Variants in EPB41L3 observed in about 807,000 individuals in gnomAD.
EPB41L3 encodes the protein erythrocyte membrane protein band 4.1 like 3.
EPB41L3 carries 57 observed loss-of-function variants against 127.1 expected under a neutral mutation model. The observed-to-expected ratio is 0.45, with a 90% CI of 0.36 to 0.56. EPB41L3 has a LOEUF of 0.56. EPB41L3 is among the 20% of genes least tolerant of loss of function. The pLI is 0.00. For synonymous variants in EPB41L3, 572 were observed against 549.5 expected, an observed-to-expected ratio of 1.04 and a Z score of -0.57; for missense variants, 1,273 against 1,372.2, an observed-to-expected ratio of 0.93 and a Z score of 1.14.
intron 3 of EPB41L3, among the ~76,000 whole-genome samples, chr18:5,461,692 C>T (rs899110540): frequency 1.3e-5 from 2 of 152,146 alleles, no homozygotes; most frequent in African/African-American, 4.8e-5. Context: ...AGAGAAGCAA[C>T]AGGAAGATCC....
chr18:5,411,263 C>A (rs1598592244), intron 13 of EPB41L3, among the ~76,000 whole-genome samples: 1 of 152,046 alleles, frequency 6.6e-6, no homozygotes, highest in East Asian at 1.9e-4. Flanking sequence ...TTTTTTAAGA[C>A]TAAATGTTAT....
At chr18:5,407,807 T>C in intron 14 of EPB41L3, 71 bp from the exon 15 acceptor site, 1 of 1,469,510 alleles carries the variant, frequency 6.8e-7, no homozygotes, top group Admixed American at 1.7e-5. Context: ...AGAACTATGG[T>C]CTACATAGAC....
chr18:5,456,773 C>T (rs2083147581), intron 3 of EPB41L3, among the ~76,000 whole-genome samples: 1 of 152,222 alleles, frequency 6.6e-6, no homozygotes. Context: ...ACCCACAATC[C>T]CAGAAAGCCA....
intron 1 of EPB41L3, among the ~76,000 whole-genome samples, chr18:5,509,117 A>G (rs538608695): frequency 6.6e-6 from 1 of 152,328 alleles, no homozygotes; most frequent in South Asian, 2.1e-4. Flanking sequence ...TAAACATTCA[A>G]ACTGGTTTGG....
chr18:5,619,264 C>T (rs1261636823), intron 1 of EPB41L3, among the ~76,000 whole-genome samples: 15 of 152,166 alleles, frequency 9.9e-5, no homozygotes, highest in African/African-American at 2.4e-5. Context: ...GAACACAGTG[C>T]AACTTGTTCT....
intron 1 of EPB41L3, among the ~76,000 whole-genome samples, chr18:5,523,724 G>A (rs2093096528): frequency 6.6e-6 from 1 of 152,120 alleles, no homozygotes; most frequent in South Asian, 2.1e-4. Flanking sequence ...GACGGAGGAT[G>A]TGGTGAACCG....
intron 3 of EPB41L3, among the ~76,000 whole-genome samples, chr18:5,589,075 T>A (rs1426658482): frequency 3.9e-5 from 6 of 152,178 alleles, no homozygotes; most frequent in Admixed American, 3.9e-4. Context: ...AATAATTAAA[T>A]GAGTAGGCAC....
intron 1 of EPB41L3, among the ~76,000 whole-genome samples, chr18:5,617,282 T>G (rs1454035178): frequency 6.6e-6 from 1 of 152,004 alleles, no homozygotes; most frequent in African/African-American, 2.4e-5. Context: ...TACAACAACC[T>G]GTATTTGATT....
intron 11 of EPB41L3, among the ~76,000 whole-genome samples, chr18:5,422,734 T>C (rs2145191087): frequency 6.6e-6 from 1 of 152,310 alleles, no homozygotes. Flanking sequence ...AAATTCACTG[T>C]TGTGTTATCC....
rs777891245 is a variant in EPB41L3 at position 5,397,513 on chromosome 18, C to A, written c.2473-87G>T. 2.7e-6 allele frequency: 4 copies of A among 1,459,088 alleles called. No homozygotes were observed. Among genetic ancestry groups the A allele is most frequent in the Non-Finnish European group, 3.7e-6 (4 of 1,093,664 alleles). 90.4% of individuals were successfully genotyped at this position (1,459,088 alleles called of 1,614,324 possible). A position where few individuals can be genotyped will look rare whatever the true frequency, so the allele number is the denominator to read the frequency against. ...CTAAAGCTGCCACTCGCCAGGATGT[C>A]TAAAGCCAGCAGCAAGTGCTTATAA... On this transcript the variant is annotated intron_variant, in intron 17 of 22. Coordinates refer to ENST00000341928, the MANE Select transcript of EPB41L3 (RefSeq NM_012307.5). This position sits in a 1 kb window ranked among gnomAD's most constrained non-coding sequence, Gnocchi z 4.1.
chr18:5,520,055 G>A (rs2092924060), intron 1 of EPB41L3, among the ~76,000 whole-genome samples: 1 of 152,142 alleles, frequency 6.6e-6, no homozygotes, highest in African/African-American at 2.4e-5. Context: ...CAGGGACTTC[G>A]TAATAAAAGC....
At chr18:5,592,456 C>A (rs1306700372) in intron 3 of EPB41L3, among the ~76,000 whole-genome samples, 1 of 152,166 alleles carries the variant, frequency 6.6e-6, no homozygotes, top group East Asian at 1.9e-4. Flanking sequence ...TGAGCCACCG[C>A]AAAATAAAAG....
intron 1 of EPB41L3, among the ~76,000 whole-genome samples, chr18:5,511,968 G>A (rs1050030462): frequency 1.3e-5 from 2 of 152,142 alleles, no homozygotes; most frequent in South Asian, 2.1e-4. Context: ...CTTCAAAATC[G>A]CTTTCAATAA....
intron 1 of EPB41L3, among the ~76,000 whole-genome samples, chr18:5,619,270 G>C (rs1467145892): frequency 6.6e-6 from 1 of 152,170 alleles, no homozygotes; most frequent in Non-Finnish European, 1.5e-5. Flanking sequence ...AGTGCAACTT[G>C]TTCTGTTGAG....
At chr18:5,504,474 C>T (rs1328132616) in intron 1 of EPB41L3, among the ~76,000 whole-genome samples, 1 of 152,126 alleles carries the variant, frequency 6.6e-6, no homozygotes, top group Non-Finnish European at 1.5e-5. Context: ...GGAGTGGGAC[C>T]GGCAGTGAGT....
intron 3 of EPB41L3, among the ~76,000 whole-genome samples, chr18:5,579,940 T>C (rs1295275940): frequency 6.6e-6 from 1 of 152,196 alleles, no homozygotes; most frequent in African/African-American, 2.4e-5. Flanking sequence ...AGCCAGAGTT[T>C]TATCAACATT....
chr18:5,424,314 G>T lies in EPB41L3; in HGVS notation c.1111C>A (p.Arg371=), dbSNP rs961216947. 2 of 1,607,520 alleles carry T rather than the reference G, an allele frequency of 1.2e-6. No homozygotes were observed. The highest frequency in any genetic ancestry group is 1.7e-6 in the Non-Finnish European group (2 of 1,176,932). ...ACTTTCCATAAACGCTTGGCAGCTC[G>T]ATGGTTTGGCAGCTTAAACCCAATG... ...STIGFKLPNH[R]AAKRLWKVCV... Residue 371 remains arginine (R), a synonymous_variant, in exon 10 of 23, where the codon CGA becomes AGA. Transcript: ENST00000341928.
At chr18:5,533,091 C>G (rs1280707442) in intron 1 of EPB41L3, among the ~76,000 whole-genome samples, 2 of 148,994 alleles carry the variant, frequency 1.3e-5, no homozygotes, top group Admixed American at 6.6e-5. Flanking sequence ...TGTGAAAACC[C>G]TCTCAGAGGT....
chr18:5,591,391 G>A (rs2094484599), intron 3 of EPB41L3, among the ~76,000 whole-genome samples: 2 of 152,200 alleles, frequency 1.3e-5, no homozygotes, highest in South Asian at 2.1e-4. Flanking sequence ...GTTCACAGGT[G>A]GTGCCTTCTC....
Sources: allele counts gnomAD v4.1 joint callset (sites outside exome capture counted in the v4.1 genomes callset), GRCh38; gene constraint gnomAD v4.1.1; non-coding constraint Gnocchi (gnomAD v3.1); transcripts MANE v1.5; gene names NCBI Gene and HGNC (gene_info 2026-07-23, HGNC 2026-07-21).